Variants in TBC1D9 observed in about 807,000 individuals in gnomAD.
The protein encoded by TBC1D9 is TBC1 domain family member 9A.
A neutral mutation model predicts 132.0 loss-of-function variants in TBC1D9; 63 were observed. The observed-to-expected ratio is 0.48, with a 90% CI of 0.39 to 0.59. TBC1D9 has a LOEUF of 0.59. Ranked by LOEUF, TBC1D9 falls within the 20% of genes least tolerant of loss-of-function variation. The pLI is 0.00. For synonymous variants in TBC1D9, 610 were observed against 609.9 expected (o/e 1.00, Z 0.00); for missense variants, 1,261 against 1,592.7 (o/e 0.79, Z 3.54).
intron 7 of TBC1D9, 56 bp from the exon 8 acceptor site, chr4:140,669,860 T>G: frequency 6.7e-7 from 1 of 1,499,188 alleles, no homozygotes; most frequent in Admixed American, 1.7e-5. Context: ...AGAACCTACT[T>G]CTTCAGTGTC....
intron 1 of TBC1D9, among the ~76,000 whole-genome samples, chr4:140,715,571 A>T (rs1041653094): frequency 6.6e-6 from 1 of 152,226 alleles, no homozygotes; most frequent in Non-Finnish European, 1.5e-5. Context: ...CACTATAGCA[A>T]GTTATATAAG....
At chr4:140,738,129 C>A (rs1014432450) in intron 1 of TBC1D9, among the ~76,000 whole-genome samples, 1 of 152,136 alleles carries the variant, frequency 6.6e-6, no homozygotes, top group African/African-American at 2.4e-5. Flanking sequence ...TGAAAATCAA[C>A]ATGGTATGTC....
chr4:140,629,886 G>A (rs1736765567), intron 16 of TBC1D9, among the ~76,000 whole-genome samples: 1 of 152,144 alleles, frequency 6.6e-6, no homozygotes, highest in Non-Finnish European at 1.5e-5. Context: ...TCTGTGTTAA[G>A]CCCTGTGCCA....
chr4:140,699,822 T>G (rs1380420837), intron 2 of TBC1D9, among the ~76,000 whole-genome samples: 1 of 152,220 alleles, frequency 6.6e-6, no homozygotes, highest in Non-Finnish European at 1.5e-5. Context: ...TGTACCATAG[T>G]AAGATGTTAA....
At chr4:140,698,714 G>A (rs13108270) in intron 2 of TBC1D9, among the ~76,000 whole-genome samples, 24,602 of 151,030 alleles carry the variant, frequency 0.16, 2,496 homozygotes, top group East Asian at 0.3. Flanking sequence ...CTCGAGCCTG[G>A]GCGACAGAGT....
chr4:140,633,457 CTCCTCCCAGCAAAAGGGAGAGAAAAGACT>C (rs981670085), intron 16 of TBC1D9, among the ~76,000 whole-genome samples: 2 of 152,138 alleles, frequency 1.3e-5, no homozygotes, highest in African/African-American at 2.4e-5. Context: ...TGGAAGGTTC[CTCCTCCCAGCAAAAGGGAGAGAAAAGACT>C]TCCATTTAGG....
chr4:140,743,189 G>A (rs1160465857), intron 1 of TBC1D9, among the ~76,000 whole-genome samples: 1 of 152,152 alleles, frequency 6.6e-6, no homozygotes, highest in Non-Finnish European at 1.5e-5. Context: ...TGCTTTAACA[G>A]CATCCTTCAG....
intron 14 of TBC1D9, 36 bp downstream of exon 14, chr4:140,639,291 AGAT>A: frequency 1.3e-6 from 2 of 1,535,070 alleles, no homozygotes; most frequent in South Asian, 2.3e-5. Flanking sequence ...TGAAGAAGGA[AGAT>A]GACAGAGGTT....
chr4:140,701,501 T>C lies in TBC1D9; in HGVS notation c.241+3A>G, dbSNP rs942347558. 2.5e-6 allele frequency: 4 copies of C among 1,608,902 alleles called. No individual in the cohort carries two copies. The highest frequency in any genetic ancestry group is 3.4e-6 in the Non-Finnish European group (4 of 1,175,560). On this transcript the variant is annotated splice_donor_region_variant and intron_variant, in intron 2 of 20. Transcript: ENST00000442267. ...TTGTGTATTTCTGGATGTGGTTGCTTACCACAGGCGATGGTCCAGTAGACC... is the reference window on the plus strand; with the variant it reads ...TTGTGTATTTCTGGATGTGGTTGCTCACCACAGGCGATGGTCCAGTAGACC...
chr4:140,647,856 G>A lies in TBC1D9; in HGVS notation c.2338-8428C>T, dbSNP rs115466857. 4.5e-3 allele frequency among the ~76,000 whole-genome samples: 688 copies of A among 152,216 alleles called. 6 individuals are homozygous for A. Among genetic ancestry groups the A allele is most frequent in the African/African-American group, 0.016 (657 of 41,526 alleles). On this transcript the variant is annotated intron_variant, in intron 13 of 20. Transcript: ENST00000442267. ...TCCAAGTTCCTGCTTGGTTATTTCT[G>A]GAGGATTTGTAAAGGAATGTGAACA...
chr4:140,722,931 C>T (rs183459890), intron 1 of TBC1D9, among the ~76,000 whole-genome samples: 61 of 152,172 alleles, frequency 4.0e-4, no homozygotes, highest in Non-Finnish European at 1.5e-5. Context: ...CCTCTCAATC[C>T]CCCTTTTTCT....
intron 1 of TBC1D9, among the ~76,000 whole-genome samples, chr4:140,740,789 G>A (rs1738747337): frequency 6.6e-6 from 1 of 152,138 alleles, no homozygotes; most frequent in African/African-American, 2.4e-5. Flanking sequence ...ACTCATTTTG[G>A]CTGTCAATTT....
intron 2 of TBC1D9, among the ~76,000 whole-genome samples, chr4:140,699,788 C>T (rs1738034818): frequency 6.6e-6 from 1 of 152,168 alleles, no homozygotes; most frequent in South Asian, 2.1e-4. Flanking sequence ...AATGTATCAA[C>T]ACTGGTTCAT....
chr4:140,644,427 A>C, intron 13 of TBC1D9: 1 of 296,800 alleles, frequency 3.4e-6, no homozygotes, highest in Non-Finnish European at 6.7e-6. Flanking sequence ...CAGGGCGGCC[A>C]TGGGGGACGC....
chr4:140,672,477 C>T (rs1399065322), intron 6 of TBC1D9, among the ~76,000 whole-genome samples: 2 of 152,008 alleles, frequency 1.3e-5, no homozygotes, highest in African/African-American at 4.8e-5. Context: ...TTTACTGGCT[C>T]TTTTGGTCAT....
chr4:140,701,528 G>A lies in TBC1D9; in HGVS notation c.217C>T (p.Leu73=), dbSNP rs150506921. 10,407 of 1,613,872 alleles carry A rather than the reference G, an allele frequency of 6.4e-3. 41 individuals carry two copies. The highest frequency in any genetic ancestry group is 8.0e-3 in the Non-Finnish European group (9,398 of 1,179,786). The stretch of plus-strand genomic sequence containing the variant: ...CCACAGGCGATGGTCCAGTAGACCA[G>A]GGAGTCTGGAGTCTGGTACAAGATT... ...YRILYQTPDS[L]VYWTIACGGS... The change falls in exon 2 of 21, where the codon CTG becomes TTG. Residue 73 remains leucine, a synonymous_variant. Coordinates refer to ENST00000442267, the MANE Select transcript of TBC1D9 (RefSeq NM_015130.3).
At chr4:140,714,740 AT>A (rs759169331) in intron 1 of TBC1D9, among the ~76,000 whole-genome samples, 4 of 152,228 alleles carry the variant, frequency 2.6e-5, no homozygotes, top group Non-Finnish European at 4.4e-5. Flanking sequence ...AAAGAAATAC[AT>A]TTTGGGGTAA....
At chr4:140,704,949 C>T (rs1379355546) in intron 1 of TBC1D9, among the ~76,000 whole-genome samples, 1 of 152,114 alleles carries the variant, frequency 6.6e-6, no homozygotes, top group Non-Finnish European at 1.5e-5. Flanking sequence ...TATACATGTA[C>T]GTAGCACAGG....
intron 13 of TBC1D9, among the ~76,000 whole-genome samples, chr4:140,654,996 T>C (rs189637582): frequency 7.3e-4 from 111 of 152,242 alleles, no homozygotes; most frequent in Admixed American, 6.5e-3. Flanking sequence ...TTTTGTTACC[T>C]CATTAAAGCA....
Sources: allele counts gnomAD v4.1 joint callset (sites outside exome capture counted in the v4.1 genomes callset), GRCh38; gene constraint gnomAD v4.1.1; transcripts MANE v1.5; gene names NCBI Gene and HGNC (gene_info 2026-07-23, HGNC 2026-07-21).